CEP83: variants seen among roughly 807,000 people sequenced by gnomAD.
CEP83 encodes the protein centrosomal protein 83.
Under a neutral mutation model 101.9 loss-of-function variants are expected in CEP83, and 70 were observed. That is an observed-to-expected ratio of 0.69 (90% confidence interval 0.57 to 0.84). The LOEUF is 0.84. CEP83 is among the 40% of genes least tolerant of loss of function. CEP83 has a pLI of 0.00. For missense variants in CEP83, 715 were observed against 787.2 expected (o/e 0.91, Z 1.10); for synonymous variants, 264 against 267.9 (o/e 0.99, Z 0.14).
chr12:94,336,062 T>C (rs901140695), intron 11 of CEP83, among the ~76,000 whole-genome samples: 2 of 151,908 alleles, frequency 1.3e-5, no homozygotes, highest in African/African-American at 2.4e-5. Flanking sequence ...CCAACTTACA[T>C]CCATATAGTA....
the CEP83 span, among the ~76,000 whole-genome samples, chr12:94,290,433 G>A: frequency 6.6e-6 from 1 of 152,258 alleles, no homozygotes; most frequent in Non-Finnish European, 1.5e-5. Context: ...GAGCAGAGTC[G>A]AAGAGCTCAG....
At chr12:94,402,616 T>C (rs2063320507) in intron 5 of CEP83, among the ~76,000 whole-genome samples, 1 of 152,102 alleles carries the variant, frequency 6.6e-6, no homozygotes, top group South Asian at 2.1e-4. Flanking sequence ...ATGTGCCAAT[T>C]AGGCTGGGCA....
chr12:94,281,361 A>C, the CEP83 span, among the ~76,000 whole-genome samples: 1 of 152,200 alleles, frequency 6.6e-6, no homozygotes, highest in South Asian at 2.1e-4. Context: ...CAGAGACTCA[A>C]AAACGCAGAT....
At chr12:94,340,070 A>G (rs1181907482) in intron 11 of CEP83, among the ~76,000 whole-genome samples, 2 of 152,242 alleles carry the variant, frequency 1.3e-5, no homozygotes, top group African/African-American at 4.8e-5. Flanking sequence ...AAAAGCAAAT[A>G]TCCAACACTG....
chr12:94,400,930 A>G lies in CEP83; in HGVS notation c.469T>C (p.Phe157Leu). 1 of 1,513,090 alleles carries G rather than the reference A, an allele frequency of 6.6e-7. No homozygotes were observed. Among genetic ancestry groups the G allele is most frequent in the Non-Finnish European group, 8.9e-7 (1 of 1,127,188 alleles). The allele number at this position is 1,513,090 out of a possible 1,614,324, so 93.7% of individuals were successfully genotyped here. A position where few individuals can be genotyped will look rare whatever the true frequency, so the allele number is the denominator to read the frequency against. ...VYNKLRYEHT[F>L]LKSEFEHQKE... ...TGGTGTTCAAATTCTGACTTGAGAA[A>G]TGTATGTTCATAGCGAAGCTTATTA... The change falls in exon 6 of 17, where the codon TTT (phenylalanine) becomes CTT (leucine). Residue 157 changes from phenylalanine (F) to leucine (L), a missense_variant. By Grantham distance (22) the Phe-to-Leu change is conservative. Transcript: ENST00000397809.
At chr12:94,400,445 A>C (rs1330513301) in intron 6 of CEP83, among the ~76,000 whole-genome samples, 2 of 152,234 alleles carry the variant, frequency 1.3e-5, no homozygotes, top group East Asian at 3.8e-4. Flanking sequence ...TGTTTATATC[A>C]AAGTGCACAG....
At chr12:94,272,733 A>G in the CEP83 span, among the ~76,000 whole-genome samples, 1 of 152,238 alleles carries the variant, frequency 6.6e-6, no homozygotes, top group Non-Finnish European at 1.5e-5. Context: ...TGGCAGCAGC[A>G]GAGGCTGGGA....
At chr12:94,437,937 G>C (rs960721790) in intron 1 of CEP83, among the ~76,000 whole-genome samples, 1 of 152,044 alleles carries the variant, frequency 6.6e-6, no homozygotes, top group Non-Finnish European at 1.5e-5. Context: ...AGATACAGAG[G>C]CCAGCACAGT....
At chr12:94,360,586 T>C (rs1336706787) in intron 11 of CEP83, among the ~76,000 whole-genome samples, 1 of 151,936 alleles carries the variant, frequency 6.6e-6, no homozygotes, top group African/African-American at 2.4e-5. Flanking sequence ...AACTATAAAA[T>C]ACTGATTAAA....
chr12:94,388,330 G>GA (rs746932736), intron 6 of CEP83, among the ~76,000 whole-genome samples: 2 of 152,198 alleles, frequency 1.3e-5, no homozygotes, highest in African/African-American at 2.4e-5. Context: ...CAAAGGAACA[G>GA]AAAACCAAAT....
At chr12:94,443,441 T>C (rs1255018895) in intron 1 of CEP83, among the ~76,000 whole-genome samples, 1 of 152,096 alleles carries the variant, frequency 6.6e-6, no homozygotes, top group Non-Finnish European at 1.5e-5. Flanking sequence ...TTTGTCCATG[T>C]GCTTTATAGG....
intron 8 of CEP83, among the ~76,000 whole-genome samples, chr12:94,374,825 C>A (rs1299882438): frequency 6.6e-6 from 1 of 152,154 alleles, no homozygotes; most frequent in South Asian, 2.1e-4. Flanking sequence ...TCATCATCAG[C>A]TACATTTAAT....
At chr12:94,294,646 C>T in the CEP83 span, 1 of 593,672 alleles carries the variant, frequency 1.7e-6, no homozygotes, top group Non-Finnish European at 3.1e-6. Context: ...TGAGTTGTTG[C>T]TATGTAATTC....
downstream of CEP83, chr12:94,304,145 C>T (rs1968767195): frequency 1.2e-5 from 10 of 804,898 alleles, no homozygotes; most frequent in Non-Finnish European, 1.8e-5. Context: ...TCTGGCATCC[C>T]AAAAGGCCAG....
intron 11 of CEP83, among the ~76,000 whole-genome samples, chr12:94,343,041 TAAC>T (rs1208040156): frequency 6.6e-6 from 1 of 152,004 alleles, no homozygotes; most frequent in African/African-American, 2.4e-5. Flanking sequence ...ACATCGCAGT[TAAC>T]AAGGCAGATC....
chr12:94,447,329 C>A (rs2066884028), intron 1 of CEP83, among the ~76,000 whole-genome samples: 1 of 152,130 alleles, frequency 6.6e-6, no homozygotes, highest in South Asian at 2.1e-4. Flanking sequence ...GCCTGGGCAA[C>A]ATGGCAAAAC....
At chr12:94,417,801 T>C (rs2064397268) in intron 2 of CEP83, among the ~76,000 whole-genome samples, 1 of 151,496 alleles carries the variant, frequency 6.6e-6, no homozygotes, top group Admixed American at 6.6e-5. Context: ...AATACATACA[T>C]ACATACATAC....
chr12:94,394,325 T>A (rs1351481064), intron 6 of CEP83, among the ~76,000 whole-genome samples: 4 of 151,978 alleles, frequency 2.6e-5, no homozygotes, highest in African/African-American at 9.7e-5. Context: ...ATACCACACA[T>A]CTACAACCAT....
chr12:94,312,060 C>T (rs373338160), intron 15 of CEP83, among the ~76,000 whole-genome samples: 14 of 151,392 alleles, frequency 9.2e-5, no homozygotes, highest in African/African-American at 2.2e-4. Flanking sequence ...GAACCATAGA[C>T]GAAGACCCCA....
Sources: gnomAD v4.1 joint callset for allele counts (sites outside exome capture counted in the v4.1 genomes callset) on GRCh38, gnomAD v4.1.1 for gene constraint, MANE v1.5 for transcripts, NCBI Gene and HGNC (gene_info 2026-07-23, HGNC 2026-07-21) for gene names.